TMEM108: variants seen among roughly 807,000 people sequenced by gnomAD.
TMEM108 encodes cancer/testis antigen 124.
In TMEM108, 12 loss-of-function variants were observed where a neutral mutation model predicts 35.1. The observed-to-expected ratio is 0.34, with a 90% CI of 0.22 to 0.55. The LOEUF (loss-of-function observed/expected upper bound fraction) is 0.55, where lower values mean the gene tolerates loss of function less well. Among genes scored for constraint, TMEM108 ranks in the 20% least tolerant of loss-of-function variants. The pLI is 0.89. For missense variants in TMEM108, 680 were observed against 753.3 expected, an observed-to-expected ratio of 0.90 and a Z score of 1.14; for synonymous variants, 287 against 308.6, an observed-to-expected ratio of 0.93 and a Z score of 0.73.
At chr3:133,282,884 G>A (rs1946934743) in intron 3 of TMEM108, among the ~76,000 whole-genome samples, 1 of 152,164 alleles carries the variant, frequency 6.6e-6, no homozygotes, top group Non-Finnish European at 1.5e-5. Flanking sequence ...CAGTTAAAAA[G>A]AGCAAGGTTC....
At chr3:133,232,472 T>C (rs552508288) in intron 3 of TMEM108, among the ~76,000 whole-genome samples, 25 of 152,348 alleles carry the variant, frequency 1.6e-4, no homozygotes, top group Admixed American at 5.2e-4. Flanking sequence ...GCTGGTGCCG[T>C]GCTTCTTGTT....
chr3:133,347,560 C>T (rs1447434281), intron 3 of TMEM108, among the ~76,000 whole-genome samples: 5 of 151,994 alleles, frequency 3.3e-5, no homozygotes, highest in African/African-American at 4.8e-5. Flanking sequence ...AGATTTTCTA[C>T]GTTGGCAATC....
At chr3:133,390,406 A>T in intron 5 of TMEM108, 72 bp downstream of exon 5, 2 of 1,550,162 alleles carry the variant, frequency 1.3e-6, no homozygotes, top group Non-Finnish European at 1.8e-6. Flanking sequence ...GCATCTGCTC[A>T]TTTCTGAGTG....
At chr3:133,289,046 A>G (rs1162631049) in intron 3 of TMEM108, among the ~76,000 whole-genome samples, 7 of 152,086 alleles carry the variant, frequency 4.6e-5, no homozygotes, top group Non-Finnish European at 7.4e-5. Flanking sequence ...CCATATAGTA[A>G]TAGTAATTTT....
rs118164963 is a variant in TMEM108, at chr3:133,113,560, A to G, written c.-47+67540A>G. Among the ~76,000 whole-genome samples, 672 of 152,306 alleles carry G rather than the reference A, an allele frequency of 4.4e-3. 12 individuals carry two copies. Among genetic ancestry groups the G allele is most frequent in the East Asian group, 0.031 (162 of 5,190 alleles). On this transcript the variant is annotated intron_variant, in intron 2 of 5. Transcript: ENST00000321871. ...TGTTAAATAATATTAAGAAACATAA[A>G]CATGTAAAGTCCTCCTTCCAGCCCC... is the stretch of plus-strand genomic sequence containing the variant.
Position 133,162,482 on chromosome 3 carries a change from G to T in TMEM108, c.-46-66784G>T, listed in dbSNP as rs566288841. Among the ~76,000 whole-genome samples, 6 of 152,294 alleles carry T rather than the reference G, an allele frequency of 3.9e-5. No individual in the cohort carries two copies. The South Asian group carries it at 1.2e-3, about 32-fold the overall frequency. On this transcript the variant is annotated intron_variant, in intron 2 of 5. Transcript: ENST00000321871. Reference sequence around the variant, plus strand: ...ACAGTGACCCTGATTCCTAAAGTGGGAGTCAGATTAAAGACAGGAGTGTGT... The same window carrying T: ...ACAGTGACCCTGATTCCTAAAGTGGTAGTCAGATTAAAGACAGGAGTGTGT...
At chr3:133,286,393 G>A (rs966195726) in intron 3 of TMEM108, among the ~76,000 whole-genome samples, 5 of 152,160 alleles carry the variant, frequency 3.3e-5, no homozygotes, top group African/African-American at 1.2e-4. Flanking sequence ...GTGTAGAGTG[G>A]TGTCTTCATA....
chr3:133,070,745 A>ATGTGTGTGTGTGTGTGTG (rs10530634), intron 2 of TMEM108, among the ~76,000 whole-genome samples: 55 of 148,422 alleles, frequency 3.7e-4, no homozygotes, highest in South Asian at 2.9e-3. Flanking sequence ...TCTCTGATGT[A>ATGTGTGTGTGTGTGTGTG]TGTGTGTGTG....
intron 2 of TMEM108, among the ~76,000 whole-genome samples, chr3:133,226,128 A>G (rs1559874353): frequency 6.6e-6 from 1 of 152,194 alleles, no homozygotes; most frequent in Non-Finnish European, 1.5e-5. Flanking sequence ...AGGAGTTATT[A>G]ATATTATTTG....
At chr3:133,300,231 T>C (rs560384718) in intron 3 of TMEM108, among the ~76,000 whole-genome samples, 18 of 152,112 alleles carry the variant, frequency 1.2e-4, no homozygotes, top group Non-Finnish European at 2.6e-4. Context: ...AATGAGTAAG[T>C]AAATAAGACC....
At chr3:133,097,636 T>C (rs950177671) in intron 2 of TMEM108, among the ~76,000 whole-genome samples, 4 of 152,228 alleles carry the variant, frequency 2.6e-5, no homozygotes, top group Admixed American at 6.5e-5. Context: ...TATTGACTAC[T>C]ACCTATTTTA....
chr3:133,340,116 A>C (rs945131641), intron 3 of TMEM108, among the ~76,000 whole-genome samples: 14 of 151,738 alleles, frequency 9.2e-5, no homozygotes, highest in African/African-American at 2.4e-5. Flanking sequence ...AATAAATGAA[A>C]TGAAATGAAG....
chr3:133,235,510 A>G (rs138707073), intron 3 of TMEM108, among the ~76,000 whole-genome samples: 53 of 152,170 alleles, frequency 3.5e-4, no homozygotes, highest in African/African-American at 1.2e-3. Flanking sequence ...GGAAAGTTTT[A>G]CCACTTTCTA....
intron 2 of TMEM108, among the ~76,000 whole-genome samples, chr3:133,060,688 A>G (rs1431986528): frequency 6.6e-6 from 1 of 152,198 alleles, no homozygotes; most frequent in African/African-American, 2.4e-5. Flanking sequence ...GTATTTGTCT[A>G]TGCTGTTATC....
chr3:133,085,324 A>G (rs145325221), intron 2 of TMEM108, among the ~76,000 whole-genome samples: 4 of 152,272 alleles, frequency 2.6e-5, no homozygotes, highest in African/African-American at 7.2e-5. Context: ...TGTCTGAAGG[A>G]TAATTTCTTT....
intron 2 of TMEM108, among the ~76,000 whole-genome samples, chr3:133,140,446 G>C (rs1944625914): frequency 6.6e-6 from 1 of 152,166 alleles, no homozygotes; most frequent in African/African-American, 2.4e-5. Context: ...ACATTATCCT[G>C]AATGGTAGAG....
intron 3 of TMEM108, among the ~76,000 whole-genome samples, chr3:133,365,153 A>C (rs141139297): frequency 6.0e-4 from 92 of 152,298 alleles, no homozygotes; most frequent in African/African-American, 2.2e-3. Context: ...CATCCCTCCT[A>C]GCAGCTCCGG....
intron 3 of TMEM108, among the ~76,000 whole-genome samples, chr3:133,313,538 C>A (rs1402698208): frequency 6.6e-6 from 1 of 152,164 alleles, no homozygotes; most frequent in Non-Finnish European, 1.5e-5. Flanking sequence ...AATAAATATT[C>A]TTTCTCTTGT....
chr3:133,109,324 A>G (rs932963830), intron 2 of TMEM108, among the ~76,000 whole-genome samples: 3 of 152,088 alleles, frequency 2.0e-5, no homozygotes, highest in Non-Finnish European at 2.9e-5. Flanking sequence ...TTTATGAACT[A>G]TCTTCATCAA....
Sources: gnomAD v4.1 joint callset for allele counts (sites outside exome capture counted in the v4.1 genomes callset) on GRCh38, gnomAD v4.1.1 for gene constraint, MANE v1.5 for transcripts, NCBI Gene and HGNC (gene_info 2026-07-23, HGNC 2026-07-21) for gene names.